MEGF9: variants seen among roughly 807,000 people sequenced by gnomAD.
MEGF9 encodes multiple EGF like domains 9.
Under a neutral mutation model 46.8 loss-of-function variants are expected in MEGF9, and 6 were observed. The observed-to-expected ratio is 0.13, with a 90% confidence interval of 0.07 to 0.25. MEGF9 has a LOEUF of 0.25. Among genes scored for constraint, MEGF9 ranks in the 10% least tolerant of loss-of-function variants. The probability of loss-of-function intolerance (pLI) is 1.00; values close to 1 mark genes in which losing one functional copy is unlikely to be tolerated. For synonymous variants in MEGF9, 302 were observed against 330.7 expected, an observed-to-expected ratio of 0.91 and a Z score of 0.94; for missense variants, 683 against 792.4, an observed-to-expected ratio of 0.86 and a Z score of 1.66.
intron 1 of MEGF9, among the ~76,000 whole-genome samples, chr9:120,661,037 A>G (rs2043699576): frequency 6.6e-6 from 1 of 152,214 alleles, no homozygotes; most frequent in South Asian, 2.1e-4. Context: ...AAGGAAATTA[A>G]GCTTCAAAAT....
At chr9:120,609,357 ACTT>A (rs1283165488) in intron 4 of MEGF9, among the ~76,000 whole-genome samples, 6 of 152,322 alleles carry the variant, frequency 3.9e-5, no homozygotes, top group Admixed American at 6.5e-5. Context: ...CTCAGGTATT[ACTT>A]CTTCTCAGAA....
At chr9:120,637,387 C>T (rs1339254563) in intron 2 of MEGF9, among the ~76,000 whole-genome samples, 3 of 151,544 alleles carry the variant, frequency 2.0e-5, no homozygotes, top group African/African-American at 7.3e-5. Context: ...CTGCCAAATT[C>T]CCCCTCTCGA....
At chr9:120,676,222 C>T (rs2043772710) in intron 1 of MEGF9, among the ~76,000 whole-genome samples, 1 of 152,154 alleles carries the variant, frequency 6.6e-6, no homozygotes, top group Non-Finnish European at 1.5e-5. Flanking sequence ...CTTGAGTCCA[C>T]AAGTTCAGCC....
chr9:120,637,790 C>CAAAAAAAAAAAAAAAAAA lies in MEGF9; in HGVS notation c.804-15053_804-15036dup, dbSNP rs34861368. Among the ~76,000 whole-genome samples the CAAAAAAAAAAAAAAAAAA allele has an allele frequency of 5.8e-5, 2 of 34,776 alleles. 1 individual carries two copies. The highest frequency in any genetic ancestry group is 2.2e-4 in the African/African-American group (2 of 8,942). The allele number at this position is 34,776 out of a possible 152,430, so 22.8% of individuals were successfully genotyped here. A position where few individuals can be genotyped will look rare whatever the true frequency, so the allele number is the denominator to read the frequency against. ...AGGGCAACAGGGCAAGACTCTGTCT[C>CAAAAAAAAAAAAAAAAAA]AAAAAAAAAAAAAAAAAAAAAAAAA... On this transcript the variant is annotated intron_variant, in intron 2 of 5. Transcript: ENST00000373930.
At chr9:120,712,446 C>T (rs1302714915) in intron 1 of MEGF9, among the ~76,000 whole-genome samples, 2 of 152,200 alleles carry the variant, frequency 1.3e-5, no homozygotes, top group African/African-American at 4.8e-5. Context: ...AGAGTCCATA[C>T]TCTCAACCAC....
intron 1 of MEGF9, among the ~76,000 whole-genome samples, chr9:120,693,058 T>C (rs1227326759): frequency 1.3e-5 from 2 of 152,050 alleles, no homozygotes; most frequent in Non-Finnish European, 2.9e-5. Flanking sequence ...AGGTGCACAG[T>C]GGGTGATTAA....
chr9:120,697,677 A>G (rs1221111008), intron 1 of MEGF9, among the ~76,000 whole-genome samples: 1 of 152,048 alleles, frequency 6.6e-6, no homozygotes, highest in African/African-American at 2.4e-5. Context: ...CTACCTGCTT[A>G]CCCTCATTTA....
intron 1 of MEGF9, among the ~76,000 whole-genome samples, chr9:120,672,150 C>T (rs1490301740): frequency 6.6e-6 from 1 of 152,160 alleles, no homozygotes; most frequent in Non-Finnish European, 1.5e-5. Flanking sequence ...CATTATACTT[C>T]ATAGTGAGAG....
chr9:120,608,306 G>A (rs1188494689), intron 4 of MEGF9, among the ~76,000 whole-genome samples: 1 of 152,076 alleles, frequency 6.6e-6, no homozygotes, highest in African/African-American at 2.4e-5. Flanking sequence ...CTTATTGTAG[G>A]AATGATGGGG....
intron 2 of MEGF9, among the ~76,000 whole-genome samples, chr9:120,644,188 C>G (rs534226132): frequency 3.0e-4 from 46 of 152,250 alleles, no homozygotes; most frequent in African/African-American, 8.2e-4. Flanking sequence ...GTCTCCGCAG[C>G]CTCTTCCAAT....
At position 120,607,860 on chromosome 9, in the gene MEGF9, T is replaced by G. The variant is rs767201697; in HGVS notation, c.1238A>C (p.Lys413Thr). The G allele has an allele frequency of 5.0e-5, 81 of 1,613,880 alleles. No individual in the cohort carries two copies. Among genetic ancestry groups the G allele is most frequent in the Admixed American group, 6.7e-5 (4 of 60,000 alleles). The change falls in exon 5 of 6, where the codon AAG (lysine) becomes ACG (threonine). Residue 413 changes from lysine (K) to threonine (T), a missense_variant. Around this residue, in one of 2 missense-constraint regions of MEGF9, gnomAD observed 313 missense variants for 421.1 expected, o/e 0.74. Coordinates refer to ENST00000373930, the MANE Select transcript of MEGF9 (RefSeq NM_001080497.3). ...HGHVDPVKTPKICKPESGECI... is the reference protein window; with the variant it reads ...HGHVDPVKTPTICKPESGECI... ...CTCACCACTCTCGGGCTTACAAATC[T>G]TTGGAGTTTTAACTGGGTCCACATG...
intron 5 of MEGF9, among the ~76,000 whole-genome samples, chr9:120,606,170 C>CA (rs533329431): frequency 0.026 from 1,725 of 65,442 alleles, 27 homozygotes; most frequent in South Asian, 0.056. Flanking sequence ...GACTCTGTCT[C>CA]AAAAAAAAAA....
intron 1 of MEGF9, among the ~76,000 whole-genome samples, chr9:120,701,350 C>G (rs531422724): frequency 3.3e-5 from 5 of 152,262 alleles, no homozygotes; most frequent in South Asian, 4.1e-4. Context: ...ACTCAGTTAT[C>G]TAAAGGGTCT....
chr9:120,700,809 C>T (rs765874798), intron 1 of MEGF9, among the ~76,000 whole-genome samples: 1 of 151,938 alleles, frequency 6.6e-6, no homozygotes. Context: ...AGGCCAGGCA[C>T]GGTGGCTCAC....
At chr9:120,623,053 T>C (rs2043507019) in intron 2 of MEGF9, among the ~76,000 whole-genome samples, 1 of 152,184 alleles carries the variant, frequency 6.6e-6, no homozygotes, top group African/African-American at 2.4e-5. Flanking sequence ...ATTGAGGGCT[T>C]ATGTCAATAA....
chr9:120,692,981 C>T (rs1291059518), intron 1 of MEGF9, among the ~76,000 whole-genome samples: 1 of 152,076 alleles, frequency 6.6e-6, no homozygotes, highest in Non-Finnish European at 1.5e-5. Flanking sequence ...TTTCCATATC[C>T]TTCGCTATGT....
At chr9:120,630,894 T>C (rs1328572764) in intron 2 of MEGF9, among the ~76,000 whole-genome samples, 1 of 152,258 alleles carries the variant, frequency 6.6e-6, no homozygotes, top group Admixed American at 6.5e-5. Context: ...CTCTTTCAGA[T>C]GAATAGTTTG....
At chr9:120,645,178 A>G (rs907032168) in intron 2 of MEGF9, among the ~76,000 whole-genome samples, 8 of 152,248 alleles carry the variant, frequency 5.3e-5, no homozygotes, top group Admixed American at 2.0e-4. Context: ...GGGAGGGAAG[A>G]AAGTTTGAGG....
At chr9:120,668,079 C>T (rs79162164) in intron 1 of MEGF9, among the ~76,000 whole-genome samples, 2,415 of 152,184 alleles carry the variant, frequency 0.016, 59 homozygotes, top group African/African-American at 0.055. Context: ...TGACTACAGG[C>T]CTGATTTCCT....
Sources: allele counts gnomAD v4.1 joint callset (sites outside exome capture counted in the v4.1 genomes callset), GRCh38; gene constraint gnomAD v4.1.1; regional missense constraint gnomAD v4.1.1; transcripts MANE v1.5; gene names NCBI Gene and HGNC (gene_info 2026-07-23, HGNC 2026-07-21).